The following ADAMTS12 variants were observed in gnomAD, a reference collection of about 807,000 sequenced individuals.
ADAMTS12 encodes ADAM metallopeptidase with thrombospondin type 1 motif 12, also known as A disintegrin and metalloproteinase with thrombospondin motifs 12.
In ADAMTS12, 118 loss-of-function variants were observed where a neutral mutation model predicts 167.8. The observed-to-expected ratio is 0.70, with a 90% CI of 0.61 to 0.82. ADAMTS12 has a LOEUF of 0.82. Among genes scored for constraint, ADAMTS12 ranks in the 40% least tolerant of loss-of-function variants. ADAMTS12 has a pLI of 0.00. For missense variants in ADAMTS12, 1,916 were observed against 1,998.8 expected (o/e 0.96, Z 0.79); for synonymous variants, 704 against 716.9 (o/e 0.98, Z 0.29).
intron 13 of ADAMTS12, among the ~76,000 whole-genome samples, chr5:33,626,511 G>A (rs1401540398): frequency 1.3e-5 from 2 of 151,402 alleles, no homozygotes; most frequent in Non-Finnish European, 2.9e-5. Flanking sequence ...GGTAGTGGTG[G>A]TAATGTGGTA....
At chr5:33,690,059 C>T (rs996344636) in intron 3 of ADAMTS12, among the ~76,000 whole-genome samples, 9 of 152,204 alleles carry the variant, frequency 5.9e-5, no homozygotes, top group African/African-American at 2.2e-4. Flanking sequence ...AGCTATCTGC[C>T]ACTACCACAC....
intron 3 of ADAMTS12, among the ~76,000 whole-genome samples, chr5:33,696,994 T>C (rs1346192161): frequency 6.6e-6 from 1 of 152,170 alleles, no homozygotes; most frequent in East Asian, 1.9e-4. Context: ...CTCCACTAAT[T>C]CCTTGTTAGC....
intron 5 of ADAMTS12, among the ~76,000 whole-genome samples, chr5:33,667,202 C>A (rs1741503891): frequency 6.6e-6 from 1 of 151,212 alleles, no homozygotes; most frequent in Admixed American, 6.6e-5. Context: ...CTTGTAATCC[C>A]AGCTACTTGG....
At position 33,548,286 on chromosome 5, in the gene ADAMTS12, C is replaced by G. The variant is rs530400233; in HGVS notation, c.4302+921G>C. 4.6e-5 allele frequency among the ~76,000 whole-genome samples: 7 copies of G among 152,310 alleles called. No individual in the cohort carries two copies. In the South Asian group the frequency reaches 1.5e-3, roughly 32 times the overall value. ...AGATGGGCAATCAAAGATGAGCAAT[C>G]AAATCTTTCTGGTTGTGAATGCCTT... On this transcript the variant is annotated intron_variant, in intron 21 of 23. Transcript: ENST00000504830.
chr5:33,578,355 A>G (rs985477135), intron 18 of ADAMTS12, among the ~76,000 whole-genome samples: 1 of 152,320 alleles, frequency 6.6e-6, no homozygotes, highest in Non-Finnish European at 1.5e-5. Context: ...CCAGGAACTC[A>G]CTTGAAAGGC....
At position 33,588,692 on chromosome 5, in the gene ADAMTS12, T is replaced by G. The variant is rs549118996; in HGVS notation, c.2772A>C (p.Thr924=). 1.2e-6 allele frequency: 2 copies of G among 1,614,130 alleles called. No individual in the cohort carries two copies. The highest frequency in any genetic ancestry group is 1.1e-5 in the South Asian group (1 of 91,082). The change falls in exon 18 of 24, where the codon ACA becomes ACC. Residue 924 remains threonine, a synonymous_variant. Transcript: ENST00000504830. The part of the protein sequence containing the change: ...MVSDEQALPP[T]DCQHLLKPKT... ...TGGGCTTCAGCAGGTGCTGGCAGTC[T>G]GTGGGCGGGAGAGCCTGCTCGTCAG...
At chr5:33,783,945 T>C (rs542629633) in intron 2 of ADAMTS12, among the ~76,000 whole-genome samples, 4 of 151,858 alleles carry the variant, frequency 2.6e-5, no homozygotes, top group Non-Finnish European at 4.4e-5. Context: ...TGAATAAGGA[T>C]ATAAAAATTT....
chr5:33,646,981 T>C (rs1051948044), intron 9 of ADAMTS12, among the ~76,000 whole-genome samples: 2 of 152,036 alleles, frequency 1.3e-5, no homozygotes, highest in Non-Finnish European at 2.9e-5. Context: ...TAAATATGCA[T>C]AATTGGACAA....
chr5:33,613,585 TG>T (rs1579747424), intron 16 of ADAMTS12, among the ~76,000 whole-genome samples: 1 of 152,236 alleles, frequency 6.6e-6, no homozygotes, highest in Non-Finnish European at 1.5e-5. Context: ...CCATGTGTTT[TG>T]TATGTCTTAT....
chr5:33,552,433 A>C (rs1370624541), intron 20 of ADAMTS12, among the ~76,000 whole-genome samples: 1 of 152,218 alleles, frequency 6.6e-6, no homozygotes, highest in African/African-American at 2.4e-5. Context: ...AGCATTCTAG[A>C]GTGTCATAAA....
At chr5:33,784,528 T>C (rs74432606) in intron 2 of ADAMTS12, among the ~76,000 whole-genome samples, 1 of 138,002 alleles carries the variant, frequency 7.2e-6, no homozygotes, top group African/African-American at 3.6e-5. Context: ...ATAAAAAAAA[T>C]AGTTGTATTC....
chr5:33,619,790 G>T (rs1739217608), intron 14 of ADAMTS12, among the ~76,000 whole-genome samples: 1 of 152,164 alleles, frequency 6.6e-6, no homozygotes, highest in Non-Finnish European at 1.5e-5. Flanking sequence ...CGCCTCTTGG[G>T]TTCAAGCGAT....
chr5:33,751,431 T>C lies in ADAMTS12; in HGVS notation c.607A>G (p.Thr203Ala). 13 of 1,614,134 alleles carry C rather than the reference T, an allele frequency of 8.1e-6. No homozygotes were observed. Among genetic ancestry groups the C allele is most frequent in the Non-Finnish European group, 1.1e-5 (13 of 1,180,024 alleles). The change falls in exon 3 of 24, where the codon ACC (threonine) becomes GCC (alanine). Residue 203 changes from threonine (T) to alanine (A), a missense_variant. By Grantham distance (58) the Thr-to-Ala change is moderately conservative. Transcript: ENST00000504830. ...TTTAATCCACAGGTTGGCTCCTTGG[T>C]TTCTGGAACTTTCTGCCTCCTGTAA... ...IVYRRQKVPE[T>A]KEPTCGLKDS...
intron 9 of ADAMTS12, among the ~76,000 whole-genome samples, chr5:33,644,743 T>C (rs1334612518): frequency 6.6e-6 from 1 of 152,046 alleles, no homozygotes; most frequent in Non-Finnish European, 1.5e-5. Context: ...GGTGGCTTTT[T>C]TTTTTTTGAC....
chr5:33,835,913 CT>C (rs139395600), intron 2 of ADAMTS12, among the ~76,000 whole-genome samples: 18 of 44,062 alleles, frequency 4.1e-4, no homozygotes, highest in African/African-American at 1.1e-3. Context: ...ATCCATCTCT[CT>C]CTCTCTCTCT....
chr5:33,539,963 T>C lies in ADAMTS12; in HGVS notation c.4447-4971A>G, dbSNP rs1319733412. Among the ~76,000 whole-genome samples, 3 of 152,168 alleles carry C rather than the reference T, an allele frequency of 2.0e-5. No individual in the cohort carries two copies. The East Asian group carries it at 5.8e-4, about 29-fold the overall frequency. ...GGACTGGTTGGACAGTGGGTGCAGC[T>C]GTCCCTGCACCATGGAGGGCGAGCG... is the stretch of plus-strand genomic sequence containing the variant. On this transcript the variant is annotated intron_variant, in intron 22 of 23. Coordinates refer to ENST00000504830, the MANE Select transcript of ADAMTS12 (RefSeq NM_030955.4).
intron 13 of ADAMTS12, 123 bp downstream of exon 13, chr5:33,630,657 C>A (rs1388615567): frequency 3.8e-6 from 4 of 1,059,322 alleles, no homozygotes; most frequent in South Asian, 1.9e-5. Flanking sequence ...GTTTCATGAA[C>A]TATATATAAA....
At chr5:33,713,919 T>G (rs1743501619) in intron 3 of ADAMTS12, among the ~76,000 whole-genome samples, 1 of 152,158 alleles carries the variant, frequency 6.6e-6, no homozygotes, top group Admixed American at 6.6e-5. Context: ...AGTAAGAGTC[T>G]TAAAGATCTC....
chr5:33,840,920 G>T (rs967874620), intron 2 of ADAMTS12, among the ~76,000 whole-genome samples: 1 of 152,210 alleles, frequency 6.6e-6, no homozygotes, highest in African/African-American at 2.4e-5. Context: ...ATCAAACTCA[G>T]ATGCTTTAGG....
Sources: allele counts gnomAD v4.1 joint callset (sites outside exome capture counted in the v4.1 genomes callset), GRCh38; gene constraint gnomAD v4.1.1; transcripts MANE v1.5; gene names NCBI Gene and HGNC (gene_info 2026-07-23, HGNC 2026-07-21).